Variants in CSMD1 observed in about 807,000 individuals in gnomAD.
CSMD1 encodes the protein CUB and Sushi multiple domains 1.
In CSMD1, 213 loss-of-function variants were observed where a neutral mutation model predicts 417.5. That is an observed-to-expected ratio of 0.51 (90% confidence interval 0.46 to 0.57). The LOEUF is 0.57. CSMD1 is among the 20% of genes least tolerant of loss of function. The pLI is 0.00. For missense variants in CSMD1, 6,923 were observed against 4,529.7 expected, an observed-to-expected ratio of 1.53 and a Z score of -15.17; for synonymous variants, 2,862 against 1,736.8, an observed-to-expected ratio of 1.65 and a Z score of -16.11.
intron 1 of CSMD1, among the ~76,000 whole-genome samples, chr8:4,914,255 G>C (rs757235892): frequency 1.3e-5 from 2 of 152,136 alleles, no homozygotes; most frequent in Non-Finnish European, 2.9e-5. Flanking sequence ...TGAGTGTGCA[G>C]AGGAAATAGA....
At chr8:4,847,225 AAAGT>A (rs1167549083) in intron 1 of CSMD1, among the ~76,000 whole-genome samples, 1 of 152,244 alleles carries the variant, frequency 6.6e-6, no homozygotes, top group Non-Finnish European at 1.5e-5. Flanking sequence ...ATTAATGCTT[AAAGT>A]AATAATGCGT....
intron 4 of CSMD1, among the ~76,000 whole-genome samples, chr8:4,026,199 C>A (rs1461689433): frequency 3.9e-5 from 6 of 152,120 alleles, no homozygotes; most frequent in Admixed American, 6.5e-5. Flanking sequence ...TCTTTATAAT[C>A]TAGTTATCCA....
rs531828701 is a variant in CSMD1, at chr8:3,952,270, A to G, written c.818+45633T>C. ...CTCACTCTTATTCTCCTGAGCACAC[A>G]GTAAATACTTCTAGAGGCTACGCGA... On this transcript the variant is annotated intron_variant, in intron 5 of 69. Coordinates refer to ENST00000635120, the MANE Select transcript of CSMD1 (RefSeq NM_033225.6). 2.0e-5 allele frequency among the ~76,000 whole-genome samples: 3 copies of G among 152,320 alleles called. No homozygotes were observed. In the East Asian group the frequency reaches 5.8e-4, roughly 29 times the overall value.
At chr8:4,411,173 C>T (rs1327009244) in intron 3 of CSMD1, among the ~76,000 whole-genome samples, 1 of 152,150 alleles carries the variant, frequency 6.6e-6, no homozygotes, top group African/African-American at 2.4e-5. Context: ...TACCCAGTCT[C>T]AGGTAACACA....
At chr8:3,909,146 T>C (rs560400465) in intron 5 of CSMD1, among the ~76,000 whole-genome samples, 59 of 152,206 alleles carry the variant, frequency 3.9e-4, no homozygotes, top group African/African-American at 1.4e-3. Flanking sequence ...AAGTGGATCG[T>C]GATTGGTCCT....
chr8:4,945,180 G>A (rs1465411652), intron 1 of CSMD1, among the ~76,000 whole-genome samples: 4 of 152,186 alleles, frequency 2.6e-5, no homozygotes, highest in Non-Finnish European at 4.4e-5. Flanking sequence ...CCAAATACAT[G>A]AGGTTTGTAG....
chr8:4,581,819 G>A lies in CSMD1; in HGVS notation c.302+55523C>T, dbSNP rs73659103. 3.6e-3 allele frequency among the ~76,000 whole-genome samples: 546 copies of A among 152,284 alleles called. 2 individuals carry two copies. Among genetic ancestry groups the A allele is most frequent in the African/African-American group, 0.013 (527 of 41,564 alleles). On this transcript the variant is annotated intron_variant, in intron 2 of 69. Coordinates refer to ENST00000635120, the MANE Select transcript of CSMD1 (RefSeq NM_033225.6). ...AGGCTCTGAGCAAATGAGTCAGGAA[G>A]CCTGGGAGGGCACAAAGCACTGACC...
intron 3 of CSMD1, among the ~76,000 whole-genome samples, chr8:4,214,052 G>A (rs533908766): frequency 3.9e-5 from 6 of 152,184 alleles, no homozygotes. Context: ...AATGCAAAAT[G>A]ATCAATAAAT....
At chr8:4,865,365 G>C (rs1318938815) in intron 1 of CSMD1, among the ~76,000 whole-genome samples, 1 of 151,722 alleles carries the variant, frequency 6.6e-6, no homozygotes, top group Non-Finnish European at 1.5e-5. Context: ...CAACTGACTT[G>C]TCATTTTCTT....
At chr8:4,884,209 G>A (rs1446809111) in intron 1 of CSMD1, among the ~76,000 whole-genome samples, 1 of 151,622 alleles carries the variant, frequency 6.6e-6, no homozygotes, top group Non-Finnish European at 1.5e-5. Flanking sequence ...AACTTCGTGT[G>A]TGTGTGTGTG....
At chr8:4,366,891 G>C (rs1802106427) in intron 3 of CSMD1, among the ~76,000 whole-genome samples, 1 of 151,822 alleles carries the variant, frequency 6.6e-6, no homozygotes, top group South Asian at 2.1e-4. Context: ...TTTTTTAATA[G>C]GGTTGTTTTT....
At chr8:3,987,876 T>C (rs1268134644) in intron 5 of CSMD1, among the ~76,000 whole-genome samples, 2 of 152,184 alleles carry the variant, frequency 1.3e-5, no homozygotes, top group Non-Finnish European at 2.9e-5. Context: ...TCCAATCTGT[T>C]TGGCACATTG....
chr8:4,577,035 T>C (rs1310643676), intron 2 of CSMD1, among the ~76,000 whole-genome samples: 1 of 152,206 alleles, frequency 6.6e-6, no homozygotes, highest in Non-Finnish European at 1.5e-5. Flanking sequence ...TTTTTATTTC[T>C]TTAATATTGC....
rs7835050 is a variant in CSMD1 at position 3,746,339 on chromosome 8, C to A, written c.931+7591G>T. 6.1e-3 allele frequency among the ~76,000 whole-genome samples: 929 copies of A among 152,286 alleles called. 5 individuals carry two copies. Among genetic ancestry groups the A allele is most frequent in the African/African-American group, 0.021 (878 of 41,550 alleles). On this transcript the variant is annotated intron_variant, in intron 6 of 69. Transcript: ENST00000635120. ...GAACTTAAAATCTACCAGTCACTGCCAAGTATTAATCTGTTTTAAATAGCT... is the reference window on the plus strand; with the variant it reads ...GAACTTAAAATCTACCAGTCACTGCAAAGTATTAATCTGTTTTAAATAGCT...
intron 13 of CSMD1, 83 bp downstream of exon 13, chr8:3,409,340 G>A: frequency 7.8e-7 from 1 of 1,289,802 alleles, no homozygotes; most frequent in Non-Finnish European, 1.0e-6. Context: ...TCCCTAAATG[G>A]GCGGTCTGTG....
intron 6 of CSMD1, among the ~76,000 whole-genome samples, chr8:3,711,923 A>C (rs1203245932): frequency 2.0e-5 from 3 of 152,166 alleles, no homozygotes; most frequent in Non-Finnish European, 1.5e-5. Context: ...GTTTACTCAG[A>C]ATCTAAACAG....
intron 15 of CSMD1, 46 bp from the exon 16 acceptor site, chr8:3,399,575 G>C (rs12677127): frequency 3.4e-6 from 5 of 1,454,448 alleles, no homozygotes; most frequent in Middle Eastern, 1.8e-4. Flanking sequence ...GAGACAGAAG[G>C]ATATGCCATA....
chr8:4,714,172 G>A (rs1348464376), intron 1 of CSMD1, among the ~76,000 whole-genome samples: 2 of 151,990 alleles, frequency 1.3e-5, no homozygotes, highest in African/African-American at 4.8e-5. Flanking sequence ...AATACCTTGT[G>A]TTCTGCACAC....
chr8:3,535,138 G>C (rs765592063), intron 10 of CSMD1, among the ~76,000 whole-genome samples: 1 of 151,360 alleles, frequency 6.6e-6, no homozygotes, highest in Non-Finnish European at 1.5e-5. Context: ...AATTTATATA[G>C]AGACAGGGTC....
Sources: gnomAD v4.1 joint callset for allele counts (sites outside exome capture counted in the v4.1 genomes callset) on GRCh38, gnomAD v4.1.1 for gene constraint, MANE v1.5 for transcripts, NCBI Gene and HGNC (gene_info 2026-07-23, HGNC 2026-07-21) for gene names.